CRISPLD2: variants seen among roughly 807,000 people sequenced by gnomAD.
CRISPLD2 encodes the protein cysteine-rich secretory protein LCCL domain-containing 2.
Under a neutral mutation model 71.1 loss-of-function variants are expected in CRISPLD2, and 47 were observed. The ratio of observed to expected loss-of-function variants is 0.66; its 90% CI spans 0.52 to 0.84. CRISPLD2 has a LOEUF of 0.84. CRISPLD2 is among the 40% of genes least tolerant of loss of function. The pLI is 0.00. For missense variants in CRISPLD2, 830 were observed against 651.1 expected, an observed-to-expected ratio of 1.27 and a Z score of -2.99; for synonymous variants, 317 against 250.1, an observed-to-expected ratio of 1.27 and a Z score of -2.52.
intron 14 of CRISPLD2, among the ~76,000 whole-genome samples, chr16:84,896,770 T>C (rs2071710112): frequency 6.6e-6 from 1 of 152,198 alleles, no homozygotes; most frequent in South Asian, 2.1e-4. Flanking sequence ...TGTACACTCA[T>C]ACATATAGAG....
intron 8 of CRISPLD2, among the ~76,000 whole-genome samples, chr16:84,870,496 T>A (rs979375001): frequency 1.3e-5 from 2 of 152,094 alleles, no homozygotes; most frequent in Non-Finnish European, 2.9e-5. Flanking sequence ...ATATTTTGTA[T>A]TTTTGGTAGA....
intron 6 of CRISPLD2, among the ~76,000 whole-genome samples, chr16:84,859,388 A>C (rs962824307): frequency 6.6e-6 from 1 of 152,222 alleles, no homozygotes; most frequent in Non-Finnish European, 1.5e-5. Flanking sequence ...AGTGTCCAGT[A>C]GTCCCCAAAA....
intron 14 of CRISPLD2, among the ~76,000 whole-genome samples, chr16:84,904,794 TA>T (rs1373466189): frequency 6.6e-6 from 1 of 152,146 alleles, no homozygotes; most frequent in Non-Finnish European, 1.5e-5. Flanking sequence ...CCTCACACTA[TA>T]TATAAAAATT....
At chr16:84,824,075 C>T (rs549115159) in intron 1 of CRISPLD2, among the ~76,000 whole-genome samples, 1 of 151,950 alleles carries the variant, frequency 6.6e-6, no homozygotes, top group Non-Finnish European at 1.5e-5. Context: ...CTGATAACGC[C>T]TAGAGGAAAC....
chr16:84,891,469 C>CTTCA (rs1567703753), intron 14 of CRISPLD2, among the ~76,000 whole-genome samples: 1 of 152,192 alleles, frequency 6.6e-6, no homozygotes, highest in Non-Finnish European at 1.5e-5. Context: ...ACGTTTTCTC[C>CTTCA]TTCAGCACGT....
intron 14 of CRISPLD2, among the ~76,000 whole-genome samples, chr16:84,899,848 C>T (rs1218847593): frequency 6.6e-6 from 1 of 152,190 alleles, no homozygotes; most frequent in Non-Finnish European, 1.5e-5. Flanking sequence ...TCCATAGAAT[C>T]TGCAGACCCA....
intron 14 of CRISPLD2, among the ~76,000 whole-genome samples, chr16:84,899,389 G>A (rs1193253762): frequency 1.3e-5 from 2 of 152,118 alleles, no homozygotes; most frequent in Non-Finnish European, 1.5e-5. Flanking sequence ...AAAGAAGGGC[G>A]GGAAGGGTAT....
chr16:84,898,817 G>C (rs2071728724), intron 14 of CRISPLD2, among the ~76,000 whole-genome samples: 1 of 152,116 alleles, frequency 6.6e-6, no homozygotes, highest in African/African-American at 2.4e-5. Context: ...AGTTGGTTGA[G>C]GGCTTTTATT....
intron 13 of CRISPLD2, among the ~76,000 whole-genome samples, chr16:84,885,420 G>T (rs577693907): frequency 1.3e-5 from 2 of 152,190 alleles, no homozygotes; most frequent in Non-Finnish European, 2.9e-5. Flanking sequence ...CCTCCAAAGG[G>T]GGAAAATGCG....
Position 84,906,432 on chromosome 16 carries a change from C to T in CRISPLD2, c.1440-156C>T, listed in dbSNP as rs548738506. Among the ~76,000 whole-genome samples the T allele has an allele frequency of 7.2e-5, 11 of 152,326 alleles. No individual in the cohort carries two copies. In the South Asian group the frequency reaches 2.1e-3, roughly 29 times the overall value. On this transcript the variant is annotated intron_variant, in intron 14 of 14. Coordinates refer to ENST00000262424, the MANE Select transcript of CRISPLD2 (RefSeq NM_031476.4). ...CCACCTGTTCTCAACTCAAGGCAGG[C>T]TCTGTGTCTGGCGGCTTCAAGGAAG...
At chr16:84,887,741 T>A (rs2071625554) in intron 13 of CRISPLD2, among the ~76,000 whole-genome samples, 1 of 152,150 alleles carries the variant, frequency 6.6e-6, no homozygotes, top group South Asian at 2.1e-4. Flanking sequence ...CCAGACGTGG[T>A]GGTGCGTGCC....
chr16:84,886,474 A>G (rs1188451466), intron 13 of CRISPLD2, among the ~76,000 whole-genome samples: 5 of 152,088 alleles, frequency 3.3e-5, no homozygotes, highest in Admixed American at 6.6e-5. Context: ...TACTTCTGCA[A>G]TGGCTCCCTG....
intron 7 of CRISPLD2, among the ~76,000 whole-genome samples, chr16:84,867,428 G>A (rs967429421): frequency 7.2e-5 from 11 of 152,184 alleles, no homozygotes; most frequent in African/African-American, 2.7e-4. Flanking sequence ...ACCAGGTCCT[G>A]GGTCTGGACT....
chr16:84,849,414 C>T lies in CRISPLD2; in HGVS notation c.389C>T (p.Ser130Phe), dbSNP rs1169987345. The change falls in exon 4 of 15, where the codon TCC becomes TTC. Residue 130 changes from serine to phenylalanine, a missense_variant. Coordinates refer to ENST00000262424, the MANE Select transcript of CRISPLD2 (RefSeq NM_031476.4). ...CGCTCTCCGGGGTTCCATGTGCAGT[C>T]CTGGTATGACGAGGTGAAGGACTAC... ...RYRSPGFHVQ[S>F]WYDEVKDYTY... 6.2e-7 allele frequency: 1 copy of T among 1,614,104 alleles called. No individual in the cohort carries two copies.
In CRISPLD2 at chr16:84,877,521, C is replaced by T. The variant is rs571733446; in HGVS notation, c.1229+11C>T. On this transcript the variant is annotated intron_variant, in intron 12 of 14. Transcript: ENST00000262424. Reference sequence around the variant, plus strand: ...AACTCACTGCCCAAGGTAAGGCGGGCCTGATCTGTCATCTTTTCTATGGAA... The same window carrying T: ...AACTCACTGCCCAAGGTAAGGCGGGTCTGATCTGTCATCTTTTCTATGGAA... 2 of 1,612,910 alleles carry T rather than the reference C, an allele frequency of 1.2e-6. No homozygotes were observed. The highest frequency in any genetic ancestry group is 1.3e-5 in the African/African-American group (1 of 75,018).
At position 84,906,977 on chromosome 16, in the gene CRISPLD2, G is replaced by T; in HGVS notation, c.*335G>T. On this transcript the variant is annotated 3_prime_UTR_variant, in exon 15 of 15. Transcript: ENST00000262424. Reference sequence around the variant, plus strand: ...CTTGCTATGTGTTCTTCTGTTGGTGGAGGAAGTTGATTTCAACCTCCCTGC... The same window carrying T: ...CTTGCTATGTGTTCTTCTGTTGGTGTAGGAAGTTGATTTCAACCTCCCTGC... 1 of 325,546 alleles carries T rather than the reference G, an allele frequency of 3.1e-6. No individual in the cohort carries two copies. The highest frequency in any genetic ancestry group is 5.7e-6 in the Non-Finnish European group (1 of 174,550). 20.2% of individuals were successfully genotyped at this position (325,546 alleles called of 1,614,324 possible).
rs185779563 is a variant in CRISPLD2 at position 84,888,534 on chromosome 16, C to G, written c.1306-696C>G. Among the ~76,000 whole-genome samples the G allele has an allele frequency of 9.8e-5, 15 of 152,302 alleles. No individual in the cohort carries two copies. The East Asian group carries it at 2.9e-3, about 29-fold the overall frequency. On this transcript the variant is annotated intron_variant, in intron 13 of 14. Coordinates refer to ENST00000262424, the MANE Select transcript of CRISPLD2 (RefSeq NM_031476.4). The stretch of plus-strand genomic sequence containing the variant: ...CAGCACATCCTGCCTCTGCGAGGTA[C>G]CCAGCTGCTCCCTTGGTACCTAGAA...
chr16:84,823,284 C>T (rs1198613885), intron 1 of CRISPLD2, among the ~76,000 whole-genome samples: 3 of 152,170 alleles, frequency 2.0e-5, no homozygotes, highest in Non-Finnish European at 4.4e-5. Flanking sequence ...GGGCTGTTTC[C>T]ACCTTTGGCT....
Position 84,833,290 on chromosome 16 carries a change from T to G in CRISPLD2, c.-74-5132T>G, listed in dbSNP as rs73250017. ...TGTCCGTTCCCCTCCCAGCCTCTGC[T>G]GTGTGCTGAAATCTGGTGTGTTTTC... On this transcript the variant is annotated intron_variant, in intron 1 of 14. Coordinates refer to ENST00000262424, the MANE Select transcript of CRISPLD2 (RefSeq NM_031476.4). 8.2e-3 allele frequency among the ~76,000 whole-genome samples: 1,249 copies of G among 152,276 alleles called. 19 individuals carry two copies. Among genetic ancestry groups the G allele is most frequent in the African/African-American group, 0.029 (1,196 of 41,564 alleles).
Sources: gnomAD v4.1 joint callset for allele counts (sites outside exome capture counted in the v4.1 genomes callset) on GRCh38, gnomAD v4.1.1 for gene constraint, MANE v1.5 for transcripts, NCBI Gene and HGNC (gene_info 2026-07-23, HGNC 2026-07-21) for gene names.